NCAPD3: variants seen among roughly 807,000 people sequenced by gnomAD.
NCAPD3 encodes condensin-2 complex subunit D3.
A neutral mutation model predicts 182.9 loss-of-function variants in NCAPD3; 105 were observed. The observed-to-expected ratio is 0.57, with a 90% confidence interval of 0.49 to 0.68. The LOEUF is 0.68. Ranked by LOEUF, NCAPD3 falls within the 30% of genes least tolerant of loss-of-function variation. The probability of loss-of-function intolerance (pLI) is 0.00; values close to 1 mark genes in which losing one functional copy is unlikely to be tolerated. For missense variants in NCAPD3, 1,944 were observed against 1,837.0 expected (o/e 1.06, Z -1.07); for synonymous variants, 815 against 679.9 (o/e 1.20, Z -3.09).
intron 13 of NCAPD3, among the ~76,000 whole-genome samples, chr11:134,198,535 G>A (rs1418127813): frequency 6.6e-6 from 1 of 152,118 alleles, no homozygotes; most frequent in Non-Finnish European, 1.5e-5. Flanking sequence ...CTGTGTCACG[G>A]GCCATGGTCA....
intron 19 of NCAPD3, among the ~76,000 whole-genome samples, chr11:134,182,494 T>A (rs1319062709): frequency 6.6e-6 from 1 of 152,206 alleles, no homozygotes; most frequent in Admixed American, 6.5e-5. Context: ...TGCTAAAGAC[T>A]CCAGGCCCTT....
At chr11:134,218,116 G>C (rs1479921256) in intron 2 of NCAPD3, among the ~76,000 whole-genome samples, 1 of 111,502 alleles carries the variant, frequency 9.0e-6, no homozygotes, top group African/African-American at 2.9e-5. Context: ...AAAAAGGGGG[G>C]GGGGGGAAGA....
chr11:134,220,618 T>TA lies in NCAPD3; in HGVS notation c.172dup (p.Tyr58LeufsTer2). On this transcript the variant is annotated frameshift_variant, in exon 2 of 35. Transcript: ENST00000534548. LOFTEE classifies it high-confidence loss of function. The stretch of plus-strand genomic sequence containing the variant: ...AGTAGCAAAGGGTAAAAGGCTTTCA[T>TA]AGAGTTTTGTGAATGCAGCCAATCC... The TA allele has an allele frequency of 6.2e-7, 1 of 1,614,104 alleles. No individual in the cohort carries two copies. The highest frequency in any genetic ancestry group is 8.5e-7 in the Non-Finnish European group (1 of 1,179,954).
intron 24 of NCAPD3, among the ~76,000 whole-genome samples, chr11:134,174,644 G>T (rs767836024): frequency 1.1e-4 from 17 of 152,056 alleles, no homozygotes; most frequent in East Asian, 1.9e-4. Context: ...ATTACAGGAG[G>T]AGTACAGGAA....
At position 134,154,488 on chromosome 11, in the gene NCAPD3, C is replaced by CG. The variant is rs398018168; in HGVS notation, c.4253-1126_4253-1125insC. ...TTATGCTTCTCTGCACCCCCCCCCC[C>CG]ACCGCCCCATCTGCCTACACATGCC... On this transcript the variant is annotated intron_variant, in intron 32 of 34. Coordinates refer to ENST00000534548, the MANE Select transcript of NCAPD3 (RefSeq NM_015261.3). 6.1e-5 allele frequency among the ~76,000 whole-genome samples: 9 copies of CG among 146,374 alleles called. 1 individual carries two copies. The highest frequency in any genetic ancestry group is 1.3e-4 in the African/African-American group (5 of 38,754).
At chr11:134,197,212 A>G (rs539297210) in intron 13 of NCAPD3, among the ~76,000 whole-genome samples, 3 of 151,920 alleles carry the variant, frequency 2.0e-5, no homozygotes, top group Admixed American at 2.0e-4. Flanking sequence ...TACTTTCTGT[A>G]CAGCCTGCAG....
chr11:134,186,846 A>C (rs1047349488), intron 16 of NCAPD3, among the ~76,000 whole-genome samples: 5 of 152,230 alleles, frequency 3.3e-5, no homozygotes, highest in African/African-American at 4.8e-5. Flanking sequence ...TTGATTAAAA[A>C]TCCATCCACA....
Position 134,204,385 on chromosome 11 carries a change from T to C in NCAPD3, c.1090-214A>G, listed in dbSNP as rs1410640434. On this transcript the variant is annotated intron_variant, in intron 9 of 34. Coordinates refer to ENST00000534548, the MANE Select transcript of NCAPD3 (RefSeq NM_015261.3). This position sits in a 1 kb window ranked among gnomAD's most constrained non-coding sequence, Gnocchi z 4.3. ...CTCTCCAGAAAAATGCACATACAAA[T>C]TTAGTATACAATTTCAGAGAGTTTT... Among the ~76,000 whole-genome samples, 1 of 152,174 alleles carries C rather than the reference T, an allele frequency of 6.6e-6. No individual in the cohort carries two copies. The highest frequency in any genetic ancestry group is 1.9e-4 in the East Asian group (1 of 5,194).
rs767310444 is a variant in NCAPD3 at position 134,153,207 on chromosome 11, G to C, written c.4328-7C>G. On this transcript the variant is annotated splice_polypyrimidine_tract_variant and splice_region_variant and intron_variant, in intron 33 of 34. Transcript: ENST00000534548. ...CTCCGGCCTTCAATTTTCTCTAAAA[G>C]GGAGTCAAACAAACACATTCAGCTT... 10 of 1,613,962 alleles carry C rather than the reference G, an allele frequency of 6.2e-6. No individual in the cohort carries two copies. Among genetic ancestry groups the C allele is most frequent in the South Asian group, 1.1e-5 (1 of 91,082 alleles).
Position 134,153,161 on chromosome 11 carries a change from C to A in NCAPD3, c.4367G>T (p.Cys1456Phe). Residue 1456 changes from cysteine to phenylalanine, a missense_variant, in exon 34 of 35, where the codon TGT becomes TTT. Physicochemically the swap from Cys to Phe is radical, Grantham distance 205. This residue lies in a region of NCAPD3 where 1,803 missense variants were observed against 1,674.6 expected (regional missense o/e 1.08). Coordinates refer to ENST00000534548, the MANE Select transcript of NCAPD3 (RefSeq NM_015261.3). The part of the protein sequence containing the change: ...EGRSQGNDIL[C>F]LSLPDKPPPQ... ...TTACGGTTTATCAGGCAGTGATAAA[C>A]ATAAGATGTCATTTCCTTGACTCCG... The A allele has an allele frequency of 6.2e-7, 1 of 1,614,134 alleles. No individual in the cohort carries two copies. The highest frequency in any genetic ancestry group is 1.1e-5 in the South Asian group (1 of 91,082).
At chr11:134,211,511 C>T (rs1040441344) in intron 3 of NCAPD3, among the ~76,000 whole-genome samples, 2 of 151,804 alleles carry the variant, frequency 1.3e-5, no homozygotes, top group African/African-American at 4.8e-5. Context: ...AAAAAAACAA[C>T]ACAAAATGTC....
chr11:134,192,648 G>A, intron 16 of NCAPD3, 41 bp downstream of exon 16: 1 of 1,540,548 alleles, frequency 6.5e-7, no homozygotes, highest in East Asian at 2.2e-5. Context: ...AAGTCCTACG[G>A]CCTTCTTCTA....
chr11:134,185,243 G>T, intron 17 of NCAPD3, 92 bp downstream of exon 17: 2 of 1,158,856 alleles, frequency 1.7e-6, no homozygotes, highest in Non-Finnish European at 2.4e-6. Context: ...CTCTGTATAT[G>T]AATAGCTATG....
At chr11:134,153,784 G>C (rs1340456669) in intron 32 of NCAPD3, 1 of 233,520 alleles carries the variant, frequency 4.3e-6, no homozygotes, top group East Asian at 1.0e-4. Context: ...GCCAGTGACT[G>C]GAGCATGCGC....
intron 2 of NCAPD3, among the ~76,000 whole-genome samples, chr11:134,218,340 C>T (rs929159170): frequency 6.6e-6 from 1 of 152,212 alleles, no homozygotes; most frequent in East Asian, 1.9e-4. Flanking sequence ...CTGCAGACCC[C>T]GTCCAATCAG....
At chr11:134,225,207 A>G, upstream of NCAPD3, 1 of 1,614,102 alleles carries the variant, frequency 6.2e-7, no homozygotes, top group Non-Finnish European at 8.5e-7. Context: ...CGAGCACAAG[A>G]CGGAGGACGG....
intron 27 of NCAPD3, among the ~76,000 whole-genome samples, chr11:134,164,260 G>A (rs1443280173): frequency 6.6e-6 from 1 of 152,210 alleles, no homozygotes; most frequent in Non-Finnish European, 1.5e-5. Context: ...ACTCCAGTCT[G>A]CAAGAGCACC....
intron 13 of NCAPD3, among the ~76,000 whole-genome samples, chr11:134,196,457 A>G (rs372653631): frequency 1.3e-5 from 2 of 152,214 alleles, no homozygotes; most frequent in African/African-American, 4.8e-5. Flanking sequence ...CAGCCTGACC[A>G]ACATGGTGAA....
At chr11:134,187,342 C>T (rs1944430922) in intron 16 of NCAPD3, among the ~76,000 whole-genome samples, 1 of 152,274 alleles carries the variant, frequency 6.6e-6, no homozygotes, top group African/African-American at 2.4e-5. Context: ...ATTCTTAGTC[C>T]TCTTATCTCC....
Sources: allele counts gnomAD v4.1 joint callset (sites outside exome capture counted in the v4.1 genomes callset), GRCh38; gene constraint gnomAD v4.1.1; regional missense constraint gnomAD v4.1.1; non-coding constraint Gnocchi (gnomAD v3.1); transcripts MANE v1.5; gene names NCBI Gene and HGNC (gene_info 2026-07-23, HGNC 2026-07-21).